The following NCAM2 variants were observed in gnomAD, a reference collection of about 807,000 sequenced individuals.
NCAM2 encodes the protein neural cell adhesion molecule 2.
In NCAM2, 30 loss-of-function variants were observed where a neutral mutation model predicts 98.1. The observed-to-expected ratio is 0.31, with a 90% CI of 0.23 to 0.41. NCAM2 has a LOEUF of 0.41. Among genes scored for constraint, NCAM2 ranks in the 10% least tolerant of loss-of-function variants. The pLI is 1.00. For synonymous variants in NCAM2, 368 were observed against 342.4 expected (o/e 1.07, Z -0.83); for missense variants, 867 against 1,005.8 (o/e 0.86, Z 1.87).
intron 1 of NCAM2, chr21:21,223,520 A>G (rs939962002): frequency 2.0e-5 from 3 of 152,124 alleles, no homozygotes; most frequent in Non-Finnish European, 2.9e-5. Flanking sequence ...TCTTTCTTTC[A>G]AGCTAAATAT....
chr21:21,065,645 C>T (rs2065420391), intron 1 of NCAM2, among the ~76,000 whole-genome samples: 1 of 152,042 alleles, frequency 6.6e-6, no homozygotes, highest in South Asian at 2.1e-4. Flanking sequence ...TCTAGAGTCC[C>T]AATTCATTGA....
At chr21:21,032,944 C>CTTTTT (rs61400853) in intron 1 of NCAM2, among the ~76,000 whole-genome samples, 3 of 148,638 alleles carry the variant, frequency 2.0e-5, no homozygotes, top group African/African-American at 7.6e-5. Context: ...TTCTTTCTTT[C>CTTTTT]TTTTTTTTTT....
At chr21:21,037,994 CTGCTTTGCACA>C (rs1174851887) in intron 1 of NCAM2, among the ~76,000 whole-genome samples, 4 of 152,116 alleles carry the variant, frequency 2.6e-5, no homozygotes, top group South Asian at 4.1e-4. Context: ...TTAATTTATT[CTGCTTTGCACA>C]TGCTTTGCAC....
intron 6 of NCAM2, among the ~76,000 whole-genome samples, chr21:21,329,227 G>A (rs2074605763): frequency 6.6e-6 from 1 of 152,108 alleles, no homozygotes; most frequent in Non-Finnish European, 1.5e-5. Context: ...GATTACAGGT[G>A]TGAGCCACCA....
At chr21:21,449,356 T>C (rs1459457406) in intron 12 of NCAM2, among the ~76,000 whole-genome samples, 1 of 151,592 alleles carries the variant, frequency 6.6e-6, no homozygotes, top group Admixed American at 6.6e-5. Context: ...AAAGTATTCA[T>C]AGTGCCCAGA....
intron 1 of NCAM2, among the ~76,000 whole-genome samples, chr21:21,275,690 C>T (rs925867398): frequency 3.3e-5 from 5 of 152,158 alleles, no homozygotes; most frequent in African/African-American, 1.2e-4. Flanking sequence ...TAACTGATCA[C>T]AGATGTAACG....
chr21:21,189,020 G>A (rs994280233), intron 1 of NCAM2, among the ~76,000 whole-genome samples: 1 of 152,122 alleles, frequency 6.6e-6, no homozygotes, highest in African/African-American at 2.4e-5. Context: ...GGGATTCCAA[G>A]CATTCAACAG....
At chr21:21,490,488 T>TTCATTG (rs1431200652) in intron 15 of NCAM2, among the ~76,000 whole-genome samples, 3 of 151,948 alleles carry the variant, frequency 2.0e-5, no homozygotes, top group Non-Finnish European at 2.9e-5. Flanking sequence ...ATCATTTCAT[T>TTCATTG]TTAGTTAGTA....
At chr21:21,258,969 A>G (rs183067349) in intron 1 of NCAM2, among the ~76,000 whole-genome samples, 276 of 152,202 alleles carry the variant, frequency 1.8e-3, no homozygotes, top group African/African-American at 6.6e-3. Flanking sequence ...CTGAACAGGG[A>G]GGTACTGACG....
rs543222796 is a variant in NCAM2, at chr21:21,188,964, G to T, written c.56-91614G>T. Among the ~76,000 whole-genome samples the T allele has an allele frequency of 4.1e-4, 62 of 152,252 alleles. No homozygotes were observed. In the South Asian group the frequency reaches 0.013, roughly 32 times the overall value. On this transcript the variant is annotated intron_variant, in intron 1 of 17. Transcript: ENST00000400546. ...TATAAAAGTAAGGCAGATTAAATGG[G>T]GCAGGTGTCTTGGAAACCAGCCCAG...
chr21:21,419,710 A>G (rs975502054), intron 11 of NCAM2, among the ~76,000 whole-genome samples: 6 of 151,870 alleles, frequency 4.0e-5, no homozygotes, highest in Non-Finnish European at 7.4e-5. Flanking sequence ...TTATGGCTGC[A>G]TAGTATTCCA....
chr21:21,139,652 G>T (rs1012864519), intron 1 of NCAM2, among the ~76,000 whole-genome samples: 4 of 151,998 alleles, frequency 2.6e-5, no homozygotes. Flanking sequence ...CACATTTTTG[G>T]AATTTTTACA....
intron 16 of NCAM2, among the ~76,000 whole-genome samples, chr21:21,512,861 C>A (rs545077699): frequency 6.6e-6 from 1 of 151,938 alleles, no homozygotes; most frequent in South Asian, 2.1e-4. Flanking sequence ...AATGGGATTA[C>A]TTTATTGGTT....
At chr21:21,498,355 T>C (rs143482378) in intron 15 of NCAM2, among the ~76,000 whole-genome samples, 192 of 152,308 alleles carry the variant, frequency 1.3e-3, no homozygotes, top group African/African-American at 4.1e-3. Context: ...CAGTTTTCTC[T>C]TCATAGATAA....
At chr21:21,349,477 G>A (rs1026520737) in intron 8 of NCAM2, among the ~76,000 whole-genome samples, 1 of 152,152 alleles carries the variant, frequency 6.6e-6, no homozygotes, top group East Asian at 1.9e-4. Context: ...TACACTCTGA[G>A]TGGGGAGGTA....
rs35549924 is a variant in NCAM2 at position 21,071,870 on chromosome 21, CCTATCTATCTATCTAT to C, written c.55+73289_55+73304del. 6.7e-3 allele frequency among the ~76,000 whole-genome samples: 927 copies of C among 138,162 alleles called. 8 individuals are homozygous for C. Among genetic ancestry groups the C allele is most frequent in the Middle Eastern group, 0.047 (13 of 274 alleles). The allele number at this position is 138,162 out of a possible 152,430, so 90.6% of individuals were successfully genotyped here. On this transcript the variant is annotated intron_variant, in intron 1 of 17. Transcript: ENST00000400546. ...ACTGCCCAATTATTTGTCATGTCTG[CCTATCTATCTATCTAT>C]CTATCTATCTATCTATCTATCTATC...
chr21:21,383,997 G>A (rs1331072506), intron 9 of NCAM2, among the ~76,000 whole-genome samples: 1 of 151,804 alleles, frequency 6.6e-6, no homozygotes, highest in Non-Finnish European at 1.5e-5. Flanking sequence ...TTCTTCATTA[G>A]CCTGGTGTTT....
At chr21:21,410,574 T>G (rs1227469843) in intron 10 of NCAM2, 113 bp downstream of exon 10, 1 of 553,688 alleles carries the variant, frequency 1.8e-6, no homozygotes, top group Non-Finnish European at 2.8e-6. Flanking sequence ...GAGAGAGAAA[T>G]CATGGTGTAT....
At chr21:21,179,065 G>T (rs1178188307) in intron 1 of NCAM2, among the ~76,000 whole-genome samples, 1 of 152,086 alleles carries the variant, frequency 6.6e-6, no homozygotes, top group African/African-American at 2.4e-5. Context: ...TTTCAGAGCT[G>T]CCTCTGAACT....
Sources: allele counts gnomAD v4.1 joint callset (sites outside exome capture counted in the v4.1 genomes callset), GRCh38; gene constraint gnomAD v4.1.1; transcripts MANE v1.5; gene names NCBI Gene and HGNC (gene_info 2026-07-23, HGNC 2026-07-21).